VPS41: variants seen among roughly 807,000 people sequenced by gnomAD.
VPS41 encodes the protein VPS41 subunit of HOPS complex.
Under a neutral mutation model 130.9 loss-of-function variants are expected in VPS41, and 85 were observed. The ratio of observed to expected loss-of-function variants is 0.65; its 90% CI spans 0.55 to 0.78. The LOEUF is 0.78. VPS41 is among the 30% of genes least tolerant of loss of function. The pLI is 0.00. For missense variants in VPS41, 874 were observed against 1,018.7 expected, an observed-to-expected ratio of 0.86 and a Z score of 1.93; for synonymous variants, 335 against 332.9, an observed-to-expected ratio of 1.01 and a Z score of -0.07.
At chr7:38,906,369 G>C (rs1787262418) in intron 1 of VPS41, among the ~76,000 whole-genome samples, 1 of 151,088 alleles carries the variant, frequency 6.6e-6, no homozygotes, top group Non-Finnish European at 1.5e-5. Context: ...TTTTTAAACA[G>C]GGTCTTGCTC....
chr7:38,799,503 T>C (rs1253976808), intron 7 of VPS41, among the ~76,000 whole-genome samples: 1 of 152,034 alleles, frequency 6.6e-6, no homozygotes, highest in Non-Finnish European at 1.5e-5. Flanking sequence ...ATAATGAACA[T>C]GACATGTCGC....
chr7:38,862,873 G>A (rs965633633), intron 3 of VPS41, among the ~76,000 whole-genome samples: 10 of 152,126 alleles, frequency 6.6e-5, no homozygotes, highest in Admixed American at 1.3e-4. Context: ...ACAACTAATG[G>A]TGTGTATGCA....
intron 17 of VPS41, among the ~76,000 whole-genome samples, chr7:38,759,007 C>A (rs1267037054): frequency 6.6e-6 from 1 of 152,212 alleles, no homozygotes. Context: ...GTATCCTTTG[C>A]AATATTCTTT....
At chr7:38,843,542 C>CA (rs1251260203) in intron 4 of VPS41, among the ~76,000 whole-genome samples, 1 of 148,622 alleles carries the variant, frequency 6.7e-6, no homozygotes, top group African/African-American at 2.6e-5. Flanking sequence ...ATTAGCCGGG[C>CA]GCGGTGCTGG....
rs1795523022 is a variant in VPS41, at chr7:38,725,656, A to G, written c.*590T>C. On this transcript the variant is annotated 3_prime_UTR_variant, in exon 29 of 29. Transcript: ENST00000310301. The stretch of plus-strand genomic sequence containing the variant: ...ACAGCACACAGAACATGTGATTAGT[A>G]AACATAATGGTGCAGGACATCAGCC... 6.6e-6 allele frequency: 1 copy of G among 152,496 alleles called. No individual in the cohort carries two copies. 9.4% of individuals were successfully genotyped at this position (152,496 alleles called of 1,614,324 possible).
At chr7:38,896,780 C>T (rs928952473) in intron 2 of VPS41, among the ~76,000 whole-genome samples, 10 of 152,306 alleles carry the variant, frequency 6.6e-5, no homozygotes, top group African/African-American at 2.4e-4. Flanking sequence ...AGAGTCATAT[C>T]AGTGTGTATT....
intron 2 of VPS41, among the ~76,000 whole-genome samples, chr7:38,874,612 C>G (rs1311079010): frequency 2.0e-5 from 3 of 152,124 alleles, no homozygotes; most frequent in Non-Finnish European, 4.4e-5. Context: ...TAATAAATAT[C>G]CAATGTTTTA....
intron 3 of VPS41, among the ~76,000 whole-genome samples, chr7:38,863,983 T>C (rs1786174523): frequency 6.6e-6 from 1 of 152,236 alleles, no homozygotes; most frequent in South Asian, 2.1e-4. Context: ...CAAATGATTG[T>C]AATTTTACCT....
At chr7:38,830,356 TA>T in intron 4 of VPS41, 28 bp from the exon 5 acceptor site, 1 of 1,396,734 alleles carries the variant, frequency 7.2e-7, no homozygotes, top group Non-Finnish European at 1.0e-6. Flanking sequence ...AAAAGATGTG[TA>T]AAACTTCAGG....
intron 10 of VPS41, 105 bp from the exon 11 acceptor site, chr7:38,776,881 G>A (rs551838212): frequency 1.0e-5 from 6 of 593,500 alleles, no homozygotes; most frequent in South Asian, 7.3e-5. Context: ...CTTTTTAAAA[G>A]CTAACGTAAA....
rs1029602546 is a variant in VPS41 at position 38,897,214 on chromosome 7, T to A, written c.60+877A>T. On this transcript the variant is annotated intron_variant, in intron 2 of 28. Coordinates refer to ENST00000310301, the MANE Select transcript of VPS41 (RefSeq NM_014396.4). ...TGTCTCAAAAAAAAAAAAAAAAAAATTTATATTATGCTTAAACATTTCTTA... is the reference window on the plus strand; with the variant it reads ...TGTCTCAAAAAAAAAAAAAAAAAAAATTATATTATGCTTAAACATTTCTTA... 3.3e-3 allele frequency among the ~76,000 whole-genome samples: 348 copies of A among 105,904 alleles called. 2 individuals are homozygous for A. Among genetic ancestry groups the A allele is most frequent in the African/African-American group, 0.01 (302 of 29,094 alleles). 69.5% of individuals were successfully genotyped at this position (105,904 alleles called of 152,430 possible).
intron 7 of VPS41, among the ~76,000 whole-genome samples, chr7:38,801,063 G>C (rs536326284): frequency 6.6e-6 from 1 of 152,172 alleles, no homozygotes; most frequent in Non-Finnish European, 1.5e-5. Context: ...CGAGCTATGG[G>C]AGGAAGCAGA....
chr7:38,795,576 T>C lies in VPS41; in HGVS notation c.606A>G (p.Arg202=), dbSNP rs766671182. 16 of 1,612,496 alleles carry C rather than the reference T, an allele frequency of 9.9e-6. 1 individual carries two copies. The highest frequency in any genetic ancestry group is 5.0e-5 in the Admixed American group (3 of 59,914). ...TATCATCCCGGGGCACATTGGTGAT[T>C]CTTTGCTTTGAGATGATGTCAAAAA... is the stretch of plus-strand genomic sequence containing the variant. ...VKIFDIISKQ[R]ITNVPRDDIS... The change falls in exon 9 of 29, where the codon AGA becomes AGG. Residue 202 remains arginine, a synonymous_variant. Transcript: ENST00000310301.
intron 7 of VPS41, among the ~76,000 whole-genome samples, chr7:38,798,729 G>A (rs1187286426): frequency 6.6e-6 from 1 of 152,156 alleles, no homozygotes; most frequent in Non-Finnish European, 1.5e-5. Context: ...ATGAAGGGTT[G>A]GCAGGATGGC....
chr7:38,728,933 C>A lies in VPS41; in HGVS notation c.2260-142G>T, dbSNP rs576330034. 10 of 726,848 alleles carry A rather than the reference C, an allele frequency of 1.4e-5. No homozygotes were observed. The South Asian group carries it at 1.7e-4, about 12-fold the overall frequency. The allele number at this position is 726,848 out of a possible 1,614,324, so 45.0% of individuals were successfully genotyped here. A position where few individuals can be genotyped will look rare whatever the true frequency, so the allele number is the denominator to read the frequency against. On this transcript the variant is annotated intron_variant, in intron 25 of 28. Transcript: ENST00000310301. ...CTCACTGATTCTCTTGCCCTCAGTACCCTCTTCCTGCCAAACCACTGCCAG... is the reference window on the plus strand; with the variant it reads ...CTCACTGATTCTCTTGCCCTCAGTAACCTCTTCCTGCCAAACCACTGCCAG...
At chr7:38,908,714 TG>T (rs1381727214) in intron 1 of VPS41, among the ~76,000 whole-genome samples, 4 of 152,356 alleles carry the variant, frequency 2.6e-5, no homozygotes, top group Middle Eastern at 6.8e-3. Context: ...GCTCCAGCTC[TG>T]TACCTAACTC....
intron 25 of VPS41, among the ~76,000 whole-genome samples, chr7:38,729,669 G>GCACA (rs1374690604): frequency 6.6e-6 from 1 of 152,198 alleles, no homozygotes; most frequent in Non-Finnish European, 1.5e-5. Context: ...GAAGTCAGAA[G>GCACA]CACACAGTGG....
chr7:38,772,679 G>T, intron 12 of VPS41, 42 bp from the exon 13 acceptor site: 1 of 1,430,818 alleles, frequency 7.0e-7, no homozygotes, highest in Non-Finnish European at 9.8e-7. Flanking sequence ...TGACTGAACA[G>T]CAGAAAACTT....
At chr7:38,728,284 G>A (rs554041468) in intron 27 of VPS41, 45 of 638,676 alleles carry the variant, frequency 7.0e-5, no homozygotes, top group African/African-American at 6.9e-4. Flanking sequence ...ACTCTAGGGA[G>A]TCTGACTGGG....
Sources: allele counts gnomAD v4.1 joint callset (sites outside exome capture counted in the v4.1 genomes callset), GRCh38; gene constraint gnomAD v4.1.1; transcripts MANE v1.5; gene names NCBI Gene and HGNC (gene_info 2026-07-23, HGNC 2026-07-21).